Variants in REPS1 observed in about 807,000 individuals in gnomAD.
The protein encoded by REPS1 is ralBP1-associated Eps domain-containing protein 1.
A neutral mutation model predicts 100.9 loss-of-function variants in REPS1; 39 were observed. The observed-to-expected ratio is 0.39, with a 90% CI of 0.30 to 0.50. REPS1 has a LOEUF of 0.50. Among genes scored for constraint, REPS1 ranks in the 20% least tolerant of loss-of-function variants. The pLI is 0.86. For synonymous variants in REPS1, 324 were observed against 340.3 expected, an observed-to-expected ratio of 0.95 and a Z score of 0.53; for missense variants, 821 against 968.5, an observed-to-expected ratio of 0.85 and a Z score of 2.02.
intron 1 of REPS1, among the ~76,000 whole-genome samples, chr6:138,963,364 G>A (rs1319215411): frequency 6.6e-6 from 1 of 152,056 alleles, no homozygotes; most frequent in Non-Finnish European, 1.5e-5. Flanking sequence ...AGCTCCTTGG[G>A]GGCAGGACTA....
Position 138,921,094 on chromosome 6 carries a change from G to C in REPS1, c.1369C>G (p.Arg457Gly). The C allele has an allele frequency of 6.2e-7, 1 of 1,611,490 alleles. No individual in the cohort carries two copies. Among genetic ancestry groups the C allele is most frequent in the Non-Finnish European group, 8.5e-7 (1 of 1,178,156 alleles). ...DTAIVHPVPI[R>G]MTPSKIHMQE... Reference sequence around the variant, plus strand: ...ATGTGGATTTTGCTTGGAGTCATACGAATGGGAACTGGATGAACAATAGCA... The same window carrying C: ...ATGTGGATTTTGCTTGGAGTCATACCAATGGGAACTGGATGAACAATAGCA... The change falls in exon 11 of 20, where the codon CGT becomes GGT. Residue 457 changes from arginine to glycine, a missense_variant. Transcript: ENST00000450536.
At position 138,987,700 on chromosome 6, in the gene REPS1, G is replaced by T. The variant is rs763198824; in HGVS notation, c.-18C>A. On this transcript the variant is annotated 5_prime_UTR_variant, in exon 1 of 20. Transcript: ENST00000450536. ...CCTTCCATCTTCGCCTCCGGCTCAC[G>T]GCCGCCCCGCCCCGCATGCACTACT... 5 of 1,533,542 alleles carry T rather than the reference G, an allele frequency of 3.3e-6. No individual in the cohort carries two copies. Among genetic ancestry groups the T allele is most frequent in the South Asian group, 1.2e-5 (1 of 82,304 alleles). The allele number at this position is 1,533,542 out of a possible 1,614,324, so 95.0% of individuals were successfully genotyped here. A position where few individuals can be genotyped will look rare whatever the true frequency, so the allele number is the denominator to read the frequency against.
At chr6:138,951,361 A>G (rs539892553) in intron 1 of REPS1, among the ~76,000 whole-genome samples, 5 of 150,798 alleles carry the variant, frequency 3.3e-5, no homozygotes, top group African/African-American at 1.2e-4. Context: ...TGGTCCATTA[A>G]TAAGTATATC....
At position 138,912,915 on chromosome 6, in the gene REPS1, G is replaced by A. The variant is rs774673563; in HGVS notation, c.1821C>T (p.Ala607=). ...PGPAVHRPVD[A]DGLITHTSTS... is the part of the protein sequence containing the mutation. ...TACTAGTGTGAGTTATGAGGCCATC[G>A]GCATCCACTGGGCGATGCACAGCAG... The change falls in exon 16 of 20, where the codon GCC becomes GCT. Residue 607 remains alanine (A), a synonymous_variant. Transcript: ENST00000450536. The A allele has an allele frequency of 1.1e-5, 17 of 1,613,896 alleles. No homozygotes were observed. The highest frequency in any genetic ancestry group is 2.2e-5 in the South Asian group (2 of 91,080).
At chr6:138,961,653 G>A (rs1783747911) in intron 1 of REPS1, among the ~76,000 whole-genome samples, 1 of 152,188 alleles carries the variant, frequency 6.6e-6, no homozygotes, top group African/African-American at 2.4e-5. Context: ...GCAAGTGTCA[G>A]CGCAGTAAAA....
chr6:138,907,312 A>AAAGTGTGTGTGTG (rs1562506236), intron 19 of REPS1, 183 bp downstream of exon 19: 1 of 105,210 alleles, frequency 9.5e-6, no homozygotes, highest in South Asian at 1.6e-4. Context: ...AAAAAAAAAA[A>AAAGTGTGTGTGTG]AGTGTGTGTG....
At chr6:138,974,519 C>T (rs922454974) in intron 1 of REPS1, among the ~76,000 whole-genome samples, 1 of 152,094 alleles carries the variant, frequency 6.6e-6, no homozygotes, top group African/African-American at 2.4e-5. Context: ...TATTAAATGT[C>T]CAAATGTGTT....
At chr6:138,986,386 A>G (rs73564745) in intron 1 of REPS1, among the ~76,000 whole-genome samples, 13,368 of 152,232 alleles carry the variant, frequency 0.088, 1,230 homozygotes, top group African/African-American at 0.23. Flanking sequence ...TAAAACAGAG[A>G]CCTGTGTGTG....
intron 2 of REPS1, among the ~76,000 whole-genome samples, chr6:138,947,357 A>C (rs138158427): frequency 6.6e-6 from 1 of 152,146 alleles, no homozygotes; most frequent in Non-Finnish European, 1.5e-5. Context: ...TTTCAACTGA[A>C]GCCTCCACAG....
chr6:138,921,673 G>A (rs923220251), intron 10 of REPS1, among the ~76,000 whole-genome samples: 1 of 146,294 alleles, frequency 6.8e-6, no homozygotes, highest in Non-Finnish European at 1.5e-5. Context: ...CGCCTCCCAG[G>A]TACAAGTGAT....
At position 138,911,158 on chromosome 6, in the gene REPS1, T is replaced by C. The variant is rs1050725255; in HGVS notation, c.2067+118A>G. On this transcript the variant is annotated intron_variant, in intron 17 of 19. Coordinates refer to ENST00000450536, the MANE Select transcript of REPS1 (RefSeq NM_001286611.2). ...ACTTTGTTCTGAGCTAGACTGACTA[T>C]ACTACAGTTAAAGGCAGAGAAATGG... The C allele has an allele frequency of 1.6e-5, 11 of 676,662 alleles. No individual in the cohort carries two copies. The Admixed American group carries it at 2.4e-4, about 14-fold the overall frequency. The allele number at this position is 676,662 out of a possible 1,614,324, so 41.9% of individuals were successfully genotyped here. A position where few individuals can be genotyped will look rare whatever the true frequency, so the allele number is the denominator to read the frequency against.
At chr6:138,950,478 C>A (rs1367967364) in intron 1 of REPS1, among the ~76,000 whole-genome samples, 1 of 151,812 alleles carries the variant, frequency 6.6e-6, no homozygotes, top group Non-Finnish European at 1.5e-5. Flanking sequence ...AAGACTCTGT[C>A]TCCCCCCGCA....
At chr6:138,945,017 C>G (rs1486483694) in intron 4 of REPS1, among the ~76,000 whole-genome samples, 1 of 152,154 alleles carries the variant, frequency 6.6e-6, no homozygotes, top group African/African-American at 2.4e-5. Flanking sequence ...GAGGCAACTC[C>G]TGAAGGAATA....
At chr6:138,983,067 C>T (rs1440351119) in intron 1 of REPS1, among the ~76,000 whole-genome samples, 1 of 152,212 alleles carries the variant, frequency 6.6e-6, no homozygotes, top group Non-Finnish European at 1.5e-5. Context: ...CCTCACCCTG[C>T]TCCCAAACCA....
At chr6:138,925,190 TACACAC>T (rs3070143) in intron 10 of REPS1, among the ~76,000 whole-genome samples, 3 of 148,088 alleles carry the variant, frequency 2.0e-5, no homozygotes, top group East Asian at 2.0e-4. Context: ...TACTAAAAAA[TACACAC>T]ACACACACAC....
intron 1 of REPS1, among the ~76,000 whole-genome samples, chr6:138,957,978 G>C (rs539978424): frequency 6.6e-6 from 1 of 152,244 alleles, no homozygotes; most frequent in East Asian, 1.9e-4. Flanking sequence ...CTAAGAAACC[G>C]AGTGGGAGAA....
chr6:138,911,563 T>C (rs1780006770), intron 16 of REPS1, among the ~76,000 whole-genome samples, 192 bp from the exon 17 acceptor site: 1 of 152,154 alleles, frequency 6.6e-6, no homozygotes, highest in South Asian at 2.1e-4. Flanking sequence ...GAGCAGGTAA[T>C]AGATGTGTGA....
chr6:138,926,323 TCAGCTAAAAACGA>T lies in REPS1; in HGVS notation c.1338+65_1338+77del. 3 of 1,055,400 alleles carry T rather than the reference TCAGCTAAAAACGA, an allele frequency of 2.8e-6. No individual in the cohort carries two copies. The South Asian group carries it at 4.1e-5, about 14-fold the overall frequency. 65.4% of individuals were successfully genotyped at this position (1,055,400 alleles called of 1,614,324 possible). ...TAAGCACTCCACTGAATCATGCATATCAGCTAAAAACGATAATGAATGGAAATTTGGGTTAATA... is the reference window on the plus strand; with the variant it reads ...TAAGCACTCCACTGAATCATGCATATTAATGAATGGAAATTTGGGTTAATA... On this transcript the variant is annotated intron_variant, in intron 10 of 19. Transcript: ENST00000450536.
chr6:138,953,808 G>T (rs1454698325), intron 1 of REPS1, among the ~76,000 whole-genome samples: 1 of 151,892 alleles, frequency 6.6e-6, no homozygotes, highest in Admixed American at 6.6e-5. Flanking sequence ...GCTACAAATA[G>T]AACTACCATA....
Sources: gnomAD v4.1 joint callset for allele counts (sites outside exome capture counted in the v4.1 genomes callset) on GRCh38, gnomAD v4.1.1 for gene constraint, MANE v1.5 for transcripts, NCBI Gene and HGNC (gene_info 2026-07-23, HGNC 2026-07-21) for gene names.